Variants in CEACAM1 observed in about 807,000 individuals in gnomAD.
CEACAM1 encodes cell adhesion molecule CEACAM1.
CEACAM1 carries 31 observed loss-of-function variants against 49.1 expected under a neutral mutation model. The observed-to-expected ratio is 0.63, with a 90% confidence interval of 0.47 to 0.85. The LOEUF (loss-of-function observed/expected upper bound fraction) is 0.85, where lower values mean the gene tolerates loss of function less well. CEACAM1 is among the 40% of genes least tolerant of loss of function. The probability of loss-of-function intolerance (pLI) is 0.00; values close to 1 mark genes in which losing one functional copy is unlikely to be tolerated. For missense variants in CEACAM1, 570 were observed against 645.3 expected, an observed-to-expected ratio of 0.88 and a Z score of 1.26; for synonymous variants, 244 against 247.8, an observed-to-expected ratio of 0.98 and a Z score of 0.14.
chr19:42,511,621 C>A lies in CEACAM1; in HGVS notation c.1384G>T (p.Asp462Tyr). The A allele has an allele frequency of 6.2e-7, 1 of 1,613,838 alleles. No individual in the cohort carries two copies. The highest frequency in any genetic ancestry group is 1.1e-5 in the South Asian group (1 of 91,040). The part of the protein sequence containing the change: ...LHFGKTGRAS[D>Y]QRDLTEHKPS... ...TTGTGCTCTGTGAGATCACGCTGGT[C>A]GCTTGCCCTAAATAAATATCAGAAA... Residue 462 changes from aspartate (D) to tyrosine (Y), a missense_variant, in exon 7 of 9, where the codon GAC becomes TAC. Transcript: ENST00000161559.
At chr19:42,523,738 A>T (rs1025777200) in intron 2 of CEACAM1, among the ~76,000 whole-genome samples, 4 of 152,208 alleles carry the variant, frequency 2.6e-5, no homozygotes, top group African/African-American at 9.6e-5. Flanking sequence ...ATTGTTATTA[A>T]TACTCTGGAT....
At chr19:42,521,773 G>A (rs1235497220) in intron 3 of CEACAM1, 151 bp downstream of exon 3, 6 of 1,549,682 alleles carry the variant, frequency 3.9e-6, no homozygotes, top group Non-Finnish European at 5.2e-6. Context: ...GGGCTGCCCA[G>A]GTTTGCCTGG....
chr19:42,517,023 A>C (rs1242217662), intron 5 of CEACAM1, among the ~76,000 whole-genome samples: 1 of 152,240 alleles, frequency 6.6e-6, no homozygotes, highest in Non-Finnish European at 1.5e-5. Flanking sequence ...CCAGAAAGAA[A>C]TGTTTGCATA....
At chr19:42,520,033 G>A (rs79383219) in intron 4 of CEACAM1, among the ~76,000 whole-genome samples, 3,852 of 152,304 alleles carry the variant, frequency 0.025, 72 homozygotes, top group Middle Eastern at 0.088. Flanking sequence ...CAATCCGAAG[G>A]ATTTCCCACT....
At chr19:42,511,445 G>A in intron 7 of CEACAM1, 131 bp downstream of exon 7, 1 of 795,150 alleles carries the variant, frequency 1.3e-6, no homozygotes, top group African/African-American at 1.7e-5. Context: ...CCACCTTAGG[G>A]TTGGGAAATA....
intron 5 of CEACAM1, among the ~76,000 whole-genome samples, chr19:42,517,069 C>G (rs907122637): frequency 6.6e-6 from 1 of 152,144 alleles, no homozygotes; most frequent in African/African-American, 2.4e-5. Context: ...GTGCCAAGAT[C>G]ATTCAGTGGG....
intron 5 of CEACAM1, among the ~76,000 whole-genome samples, chr19:42,517,287 A>G (rs2041623083): frequency 6.6e-6 from 1 of 152,250 alleles, no homozygotes; most frequent in African/African-American, 2.4e-5. Flanking sequence ...TGGCTATGAC[A>G]CTAAAAGCAT....
Position 42,508,419 on chromosome 19 carries a change from T to C in CEACAM1, c.*690A>G, listed in dbSNP as rs2041379681. The C allele has an allele frequency of 6.6e-6, 1 of 152,440 alleles. No individual in the cohort carries two copies. Among genetic ancestry groups the C allele is most frequent in the African/African-American group, 2.4e-5 (1 of 41,450 alleles). The allele number at this position is 152,440 out of a possible 1,614,324, so 9.4% of individuals were successfully genotyped here. Reference sequence around the variant, plus strand: ...TGCTTTTGCATTTTCCATCAGGAATTGCCTTGGATTTTGGCAAGTGATTTT... The same window carrying C: ...TGCTTTTGCATTTTCCATCAGGAATCGCCTTGGATTTTGGCAAGTGATTTT... On this transcript the variant is annotated 3_prime_UTR_variant, in exon 9 of 9. Coordinates refer to ENST00000161559, the MANE Select transcript of CEACAM1 (RefSeq NM_001712.5).
At chr19:42,519,264 C>A in intron 4 of CEACAM1, 29 bp from the exon 5 acceptor site, 1 of 1,611,400 alleles carries the variant, frequency 6.2e-7, no homozygotes, top group Non-Finnish European at 8.5e-7. Flanking sequence ...TCTGAGATAA[C>A]CTACTGAGAA....
At chr19:42,516,175 A>G (rs1478992063) in intron 5 of CEACAM1, among the ~76,000 whole-genome samples, 1 of 152,148 alleles carries the variant, frequency 6.6e-6, no homozygotes, top group Non-Finnish European at 1.5e-5. Context: ...GAAGACCTAG[A>G]CAGAACAATT....
chr19:42,520,517 C>T (rs954490896), intron 4 of CEACAM1: 10 of 152,294 alleles, frequency 6.6e-5, no homozygotes, highest in Non-Finnish European at 1.0e-4. Flanking sequence ...CATGTGCAAC[C>T]ATGCCTGGCT....
intron 5 of CEACAM1, 52 bp from the exon 6 acceptor site, chr19:42,512,531 T>C (rs2041485000): frequency 6.5e-7 from 1 of 1,548,438 alleles, no homozygotes; most frequent in Non-Finnish European, 8.9e-7. Context: ...TATTTTACAA[T>C]GGGGGCTGGG....
At chr19:42,522,966 G>A (rs543012892) in intron 2 of CEACAM1, among the ~76,000 whole-genome samples, 1 of 152,224 alleles carries the variant, frequency 6.6e-6, no homozygotes, top group Non-Finnish European at 1.5e-5. Flanking sequence ...GAGGCCGCCT[G>A]CTCTGTGTGA....
In CEACAM1 at chr19:42,507,676, G is replaced by T. The variant is rs1301127911; in HGVS notation, c.*1433C>A. On this transcript the variant is annotated 3_prime_UTR_variant, in exon 9 of 9. Coordinates refer to ENST00000161559, the MANE Select transcript of CEACAM1 (RefSeq NM_001712.5). Reference sequence around the variant, plus strand: ...CATTTATAGACCCCATAGAAGAAAAGATAAATTTCAGAGGCTGTTAAAAGA... The same window carrying T: ...CATTTATAGACCCCATAGAAGAAAATATAAATTTCAGAGGCTGTTAAAAGA... The T allele has an allele frequency of 6.6e-6, 1 of 152,192 alleles. No homozygotes were observed. The highest frequency in any genetic ancestry group is 1.5e-5 in the Non-Finnish European group (1 of 68,036). The allele number at this position is 152,192 out of a possible 1,614,324, so 9.4% of individuals were successfully genotyped here.
rs1249205750 is a variant in CEACAM1, at chr19:42,509,195, C to T, written c.1495G>A (p.Glu499Lys). The T allele has an allele frequency of 2.5e-6, 4 of 1,613,180 alleles. No homozygotes were observed. Residue 499 changes from glutamate to lysine, a missense_variant, in exon 9 of 9, where the codon GAA becomes AAA. Transcript: ENST00000161559. ...GTTGGTTGTGTGGGTTGCTGGGCTT[C>T]AAAGTTCAGGGTAGAATAAGTAACT... The part of the protein sequence containing the change: ...NEVTYSTLNF[E>K]AQQPTQPTSA...
rs1042562622 is a variant in CEACAM1, at chr19:42,518,789, T to C, written c.1246+159A>G. On this transcript the variant is annotated intron_variant, in intron 5 of 8. Transcript: ENST00000161559. ...TGCTGGGATTACAGGCGTGAGCCAC[T>C]GTGCCCGGCCTGAGCTGAGCTCTTA... The C allele has an allele frequency of 1.9e-5, 16 of 843,924 alleles. No homozygotes were observed. The Admixed American group carries it at 2.2e-4, about 12-fold the overall frequency. The allele number at this position is 843,924 out of a possible 1,614,324, so 52.3% of individuals were successfully genotyped here.
chr19:42,517,046 T>C (rs2041616701), intron 5 of CEACAM1, among the ~76,000 whole-genome samples: 1 of 152,178 alleles, frequency 6.6e-6, no homozygotes, highest in Non-Finnish European at 1.5e-5. Context: ...TAGCCAAATG[T>C]TTTTTGACAA....
chr19:42,521,942 C>G lies in CEACAM1; in HGVS notation c.685G>C (p.Val229Leu). ...NPVSANRSDP[V>L]TLNVTYGPDT... ...TACTCACAGGTGACATTCAAGGTGA[C>G]TGGGTCACTGCGGTTCGCACTCACT... The change falls in exon 3 of 9, where the codon GTC becomes CTC. Residue 229 changes from valine to leucine, a missense_variant. By Grantham distance (32) the Val-to-Leu change is conservative (BLOSUM62 1). Transcript: ENST00000161559. 5.6e-6 allele frequency: 9 copies of G among 1,614,252 alleles called. No individual in the cohort carries two copies. The highest frequency in any genetic ancestry group is 6.8e-6 in the Non-Finnish European group (8 of 1,180,044).
intron 6 of CEACAM1, 104 bp from the exon 7 acceptor site, chr19:42,511,732 T>C: frequency 9.7e-7 from 1 of 1,025,974 alleles, no homozygotes; most frequent in Non-Finnish European, 1.5e-6. Flanking sequence ...GAGTCCTTGA[T>C]GTTCATACTG....
Sources: gnomAD v4.1 joint callset for allele counts (sites outside exome capture counted in the v4.1 genomes callset) on GRCh38, gnomAD v4.1.1 for gene constraint, MANE v1.5 for transcripts, NCBI Gene and HGNC (gene_info 2026-07-23, HGNC 2026-07-21) for gene names.